The following ESRRG variants were observed in gnomAD, a reference collection of about 807,000 sequenced individuals.
ESRRG encodes the protein estrogen-related receptor gamma.
In ESRRG, 13 loss-of-function variants were observed where a neutral mutation model predicts 44.0. The ratio of observed to expected loss-of-function variants is 0.30; its 90% confidence interval spans 0.19 to 0.47. ESRRG has a LOEUF of 0.47. Ranked by LOEUF, ESRRG falls within the 20% of genes least tolerant of loss-of-function variation. The pLI is 1.00. For synonymous variants in ESRRG, 215 were observed against 214.6 expected (o/e 1.00, Z -0.02); for missense variants, 395 against 580.6 (o/e 0.68, Z 3.29).
chr1:216,617,969 A>C (rs914776237), intron 3 of ESRRG, among the ~76,000 whole-genome samples: 3 of 152,178 alleles, frequency 2.0e-5, no homozygotes, highest in Non-Finnish European at 2.9e-5. Flanking sequence ...TGGCATGAAT[A>C]TTTTACGGTA....
At chr1:216,617,074 C>CTTTTCAACA (rs369231421) in intron 3 of ESRRG, among the ~76,000 whole-genome samples, 4 of 152,254 alleles carry the variant, frequency 2.6e-5, no homozygotes, top group African/African-American at 9.6e-5. Context: ...CAATCTGTTT[C>CTTTTCAACA]TTTTCAACAT....
chr1:217,128,885 C>T (rs1016004617), intron 1 of ESRRG, among the ~76,000 whole-genome samples: 2 of 152,112 alleles, frequency 1.3e-5, no homozygotes, highest in Non-Finnish European at 2.9e-5. Context: ...AAAATAACTA[C>T]TGCTATCTCC....
At chr1:217,105,906 T>C (rs897492008) in intron 1 of ESRRG, among the ~76,000 whole-genome samples, 2 of 152,174 alleles carry the variant, frequency 1.3e-5, no homozygotes, top group African/African-American at 4.8e-5. Context: ...ATACTCACTT[T>C]CACCCTATTT....
At chr1:216,982,776 A>G (rs1247112539) in intron 1 of ESRRG, among the ~76,000 whole-genome samples, 4 of 152,202 alleles carry the variant, frequency 2.6e-5, no homozygotes, top group African/African-American at 9.6e-5. Context: ...TCTTTTGGTG[A>G]TTTCTAAATC....
intron 1 of ESRRG, among the ~76,000 whole-genome samples, chr1:216,694,925 T>C (rs762157665): frequency 1.5e-4 from 23 of 152,180 alleles, no homozygotes; most frequent in Non-Finnish European, 2.9e-4. Flanking sequence ...CATTCATTCC[T>C]ATCATGTTTT....
intron 2 of ESRRG, among the ~76,000 whole-genome samples, chr1:216,841,895 A>G (rs11572578): frequency 0.2 from 30,334 of 152,042 alleles, 3,115 homozygotes; most frequent in Admixed American, 0.27. Flanking sequence ...GGTACAGATG[A>G]TTTACAAAAA....
At chr1:217,000,527 A>G (rs1403330596) in intron 1 of ESRRG, 4 of 152,114 alleles carry the variant, frequency 2.6e-5, no homozygotes, top group Non-Finnish European at 5.9e-5. Context: ...TTCTGCAAAG[A>G]CCCTACTTCC....
At chr1:216,641,002 A>T (rs2066311227) in intron 3 of ESRRG, among the ~76,000 whole-genome samples, 1 of 152,166 alleles carries the variant, frequency 6.6e-6, no homozygotes, top group Admixed American at 6.5e-5. Flanking sequence ...TTTTTAATCC[A>T]AAAAGAATAA....
intron 2 of ESRRG, among the ~76,000 whole-genome samples, chr1:216,803,487 G>C (rs2094689119): frequency 6.6e-6 from 1 of 152,110 alleles, no homozygotes; most frequent in South Asian, 2.1e-4. Flanking sequence ...AATAAGAACT[G>C]CCACAATCAC....
chr1:217,102,260 G>T (rs1175188871), intron 1 of ESRRG, among the ~76,000 whole-genome samples: 1 of 152,196 alleles, frequency 6.6e-6, no homozygotes, highest in Non-Finnish European at 1.5e-5. Context: ...TAGGAAACTT[G>T]CTGGGGTTCA....
rs147554261 is a variant in ESRRG at position 216,654,964 on chromosome 1, T to C, written c.473-3875A>G. ...GATTCAATAATAGTAGCTAAATCTA[T>C]GAATGACTCATCTAGGAATAATTAC... On this transcript the variant is annotated intron_variant, in intron 2 of 6. Transcript: ENST00000408911. Among the ~76,000 whole-genome samples the C allele has an allele frequency of 1.4e-3, 219 of 152,320 alleles. 1 individual carries two copies. The highest frequency in any genetic ancestry group is 5.2e-3 in the African/African-American group (216 of 41,584).
chr1:217,097,590 C>G (rs1026938635), intron 1 of ESRRG, among the ~76,000 whole-genome samples: 4 of 152,120 alleles, frequency 2.6e-5, no homozygotes, highest in Non-Finnish European at 5.9e-5. Context: ...TTCCTAAGCT[C>G]TCATTGATTG....
chr1:216,733,945 T>C (rs1480147397), intron 2 of ESRRG, among the ~76,000 whole-genome samples: 2 of 145,226 alleles, frequency 1.4e-5, no homozygotes, highest in Non-Finnish European at 3.0e-5. Context: ...GTCGCGCCAC[T>C]GCACTCCAGC....
At chr1:216,885,417 T>C (rs1404204952) in intron 2 of ESRRG, among the ~76,000 whole-genome samples, 2 of 151,994 alleles carry the variant, frequency 1.3e-5, no homozygotes, top group African/African-American at 4.8e-5. Context: ...AGGCATGGGA[T>C]GAGGGGTGCT....
chr1:216,641,260 A>G (rs1017828646), intron 3 of ESRRG, among the ~76,000 whole-genome samples: 1 of 152,204 alleles, frequency 6.6e-6, no homozygotes, highest in African/African-American at 2.4e-5. Context: ...AGTTCACATC[A>G]AAGATTCTAT....
intron 1 of ESRRG, among the ~76,000 whole-genome samples, chr1:216,703,096 A>C (rs2081742247): frequency 6.6e-6 from 1 of 152,184 alleles, no homozygotes; most frequent in Non-Finnish European, 1.5e-5. Flanking sequence ...ACATTTAATT[A>C]CTTTGTTTAT....
At chr1:216,797,622 G>A (rs1296606105) in intron 2 of ESRRG, among the ~76,000 whole-genome samples, 1 of 152,148 alleles carries the variant, frequency 6.6e-6, no homozygotes, top group Non-Finnish European at 1.5e-5. Flanking sequence ...CAGGTCTTTT[G>A]TAGAATTCCT....
intron 1 of ESRRG, among the ~76,000 whole-genome samples, chr1:217,105,868 G>A (rs1005803707): frequency 1.2e-4 from 19 of 152,218 alleles, no homozygotes; most frequent in African/African-American, 4.6e-4. Flanking sequence ...TGAAAACGTT[G>A]GAGGCCATGA....
intron 1 of ESRRG, among the ~76,000 whole-genome samples, chr1:217,124,171 CAA>C (rs1474287978): frequency 1.3e-5 from 2 of 152,132 alleles, no homozygotes; most frequent in African/African-American, 4.8e-5. Context: ...CCTCTTTGTT[CAA>C]AGTGATTAAA....
Sources: gnomAD v4.1 joint callset for allele counts (sites outside exome capture counted in the v4.1 genomes callset) on GRCh38, gnomAD v4.1.1 for gene constraint, MANE v1.5 for transcripts, NCBI Gene and HGNC (gene_info 2026-07-23, HGNC 2026-07-21) for gene names.